Variants in GFRA1 observed in about 807,000 individuals in gnomAD.
GFRA1 encodes the protein GDNF family receptor alpha 1, also known as GDNF family receptor alpha-1.
GFRA1 carries 16 observed loss-of-function variants against 51.6 expected under a neutral mutation model. That is an observed-to-expected ratio of 0.31 (90% CI 0.21 to 0.47). The LOEUF (loss-of-function observed/expected upper bound fraction) is 0.47, where lower values mean the gene tolerates loss of function less well. Among genes scored for constraint, GFRA1 ranks in the 20% least tolerant of loss-of-function variants. GFRA1 has a pLI of 1.00. For missense variants in GFRA1, 530 were observed against 594.3 expected (o/e 0.89, Z 1.13); for synonymous variants, 270 against 241.3 (o/e 1.12, Z -1.10).
At chr10:116,093,298 T>G (rs1956429519) in intron 8 of GFRA1, among the ~76,000 whole-genome samples, 1 of 152,234 alleles carries the variant, frequency 6.6e-6, no homozygotes, top group Non-Finnish European at 1.5e-5. Context: ...TCACATTGTA[T>G]ATTCCGCCCA....
rs1444234827 is a variant in GFRA1, at chr10:116,196,628, AATAT to A, written c.433+14999_433+15002del. On this transcript the variant is annotated intron_variant, in intron 5 of 10. Coordinates refer to ENST00000355422, the MANE Select transcript of GFRA1 (RefSeq NM_005264.8). Reference sequence around the variant, plus strand: ...ATATAGTACTATATATAATATATATAATATATAGTACTATATATAATATATATAT... The same window carrying A: ...ATATAGTACTATATATAATATATATAATAGTACTATATATAATATATATAT... Among the ~76,000 whole-genome samples, 8 of 21,912 alleles carry A rather than the reference AATAT, an allele frequency of 3.7e-4. No homozygotes were observed. In the South Asian group the frequency reaches 0.019, roughly 53 times the overall value. 14.4% of individuals were successfully genotyped at this position (21,912 alleles called of 152,430 possible).
intron 5 of GFRA1, among the ~76,000 whole-genome samples, chr10:116,150,668 C>T (rs548892255): frequency 1.3e-5 from 2 of 152,206 alleles, no homozygotes; most frequent in East Asian, 3.9e-4. Flanking sequence ...AACAAAACAT[C>T]GTTTTATTTA....
intron 5 of GFRA1, among the ~76,000 whole-genome samples, chr10:116,171,711 A>C (rs1010345020): frequency 2.0e-5 from 3 of 152,248 alleles, no homozygotes; most frequent in Non-Finnish European, 4.4e-5. Context: ...CTGCTGAGAC[A>C]GAAGCACATG....
At chr10:116,266,226 G>A (rs1317315758) in intron 4 of GFRA1, among the ~76,000 whole-genome samples, 1 of 152,182 alleles carries the variant, frequency 6.6e-6, no homozygotes, top group African/African-American at 2.4e-5. Context: ...CTTAGTGTAT[G>A]TGGATAAACA....
intron 4 of GFRA1, among the ~76,000 whole-genome samples, chr10:116,248,299 C>T (rs930367389): frequency 1.3e-5 from 2 of 152,194 alleles, no homozygotes; most frequent in African/African-American, 2.4e-5. Flanking sequence ...TAGAGGCCTG[C>T]ACCCACTAGA....
intron 4 of GFRA1, chr10:116,255,507 CAAAAA>C (rs59731835): frequency 7.8e-6 from 5 of 637,050 alleles, no homozygotes; most frequent in Non-Finnish European, 1.0e-5. Context: ...AAAAAAAAAA[CAAAAA>C]AAAAAACACT....
intron 4 of GFRA1, among the ~76,000 whole-genome samples, chr10:116,216,922 G>T (rs749831132): frequency 5.3e-5 from 8 of 152,166 alleles, no homozygotes; most frequent in Non-Finnish European, 1.2e-4. Context: ...CAGCTGAGCT[G>T]CCCCCTCACC....
intron 4 of GFRA1, among the ~76,000 whole-genome samples, chr10:116,252,134 T>C (rs569053405): frequency 6.6e-6 from 1 of 151,960 alleles, no homozygotes; most frequent in South Asian, 2.1e-4. Flanking sequence ...TCTAAAAACC[T>C]GTTTTGTTCT....
At chr10:116,221,928 G>T (rs764458005) in intron 4 of GFRA1, among the ~76,000 whole-genome samples, 1 of 152,148 alleles carries the variant, frequency 6.6e-6, no homozygotes, top group Non-Finnish European at 1.5e-5. Context: ...TTAAGGTAAG[G>T]TAAGGACATG....
At chr10:116,155,288 C>G (rs1959179666) in intron 5 of GFRA1, among the ~76,000 whole-genome samples, 1 of 152,154 alleles carries the variant, frequency 6.6e-6, no homozygotes, top group Non-Finnish European at 1.5e-5. Flanking sequence ...CTCTCATAAC[C>G]TGTTAGCAAT....
chr10:116,094,234 C>A (rs1036060782), intron 7 of GFRA1, among the ~76,000 whole-genome samples: 5 of 152,140 alleles, frequency 3.3e-5, no homozygotes, highest in African/African-American at 1.2e-4. Context: ...TTGTTTAGGA[C>A]TTTGAATCCA....
chr10:116,096,888 C>T (rs1020686747), intron 6 of GFRA1, 124 bp from the exon 7 acceptor site: 1 of 677,302 alleles, frequency 1.5e-6, no homozygotes, highest in African/African-American at 1.8e-5. Flanking sequence ...CACGCACACA[C>T]ACACACACAC....
intron 5 of GFRA1, among the ~76,000 whole-genome samples, chr10:116,148,303 A>T (rs1281899915): frequency 2.6e-5 from 4 of 152,162 alleles, no homozygotes; most frequent in Admixed American, 2.0e-4. Context: ...AGCTAATAGC[A>T]GAGTCAGGAG....
intron 5 of GFRA1, among the ~76,000 whole-genome samples, chr10:116,154,187 A>C (rs1959162118): frequency 6.6e-6 from 1 of 152,172 alleles, no homozygotes; most frequent in African/African-American, 2.4e-5. Context: ...GGCAGTACTA[A>C]AGCTGAATAT....
intron 5 of GFRA1, among the ~76,000 whole-genome samples, chr10:116,196,745 A>T (rs1315388396): frequency 1.1e-5 from 1 of 88,496 alleles, no homozygotes; most frequent in Non-Finnish European, 2.4e-5. Flanking sequence ...TACTATATAT[A>T]ATATATATTA....
intron 5 of GFRA1, among the ~76,000 whole-genome samples, chr10:116,153,829 T>C (rs2134148534): frequency 6.6e-6 from 1 of 152,314 alleles, no homozygotes; most frequent in Non-Finnish European, 1.5e-5. Context: ...GAGACATTTT[T>C]AATACATTTA....
intron 5 of GFRA1, among the ~76,000 whole-genome samples, chr10:116,148,377 A>C (rs1958923620): frequency 6.6e-6 from 1 of 151,736 alleles, no homozygotes; most frequent in South Asian, 2.1e-4. Context: ...GAGGGTGAAG[A>C]CTCTCAACAG....
intron 5 of GFRA1, among the ~76,000 whole-genome samples, chr10:116,170,660 A>G (rs2134225349): frequency 6.6e-6 from 1 of 152,330 alleles, no homozygotes; most frequent in East Asian, 1.9e-4. Flanking sequence ...AACTCAGGGA[A>G]GCTCAGATTC....
rs60291113 is a variant in GFRA1 at position 116,197,922 on chromosome 10, G to A, written c.433+13709C>T. 2.4e-3 allele frequency among the ~76,000 whole-genome samples: 373 copies of A among 152,292 alleles called. 1 individual carries two copies. The highest frequency in any genetic ancestry group is 8.4e-3 in the African/African-American group (348 of 41,552). ...GATGGAGGCCCGTGGAAGTGAGTGA[G>A]CAAGTGAGGGAGTCACACTGCAGGA... On this transcript the variant is annotated intron_variant, in intron 5 of 10. Transcript: ENST00000355422.
Sources: gnomAD v4.1 joint callset for allele counts (sites outside exome capture counted in the v4.1 genomes callset) on GRCh38, gnomAD v4.1.1 for gene constraint, MANE v1.5 for transcripts, NCBI Gene and HGNC (gene_info 2026-07-23, HGNC 2026-07-21) for gene names.